SEC22A: variants seen among roughly 807,000 people sequenced by gnomAD.
The protein encoded by SEC22A is SEC22 homolog A, vesicle trafficking protein.
A neutral mutation model predicts 35.3 loss-of-function variants in SEC22A; 22 were observed. The observed-to-expected ratio is 0.62, with a 90% CI of 0.45 to 0.89. The LOEUF is 0.89. Ranked by LOEUF, SEC22A falls within the 40% of genes least tolerant of loss-of-function variation. The probability of loss-of-function intolerance (pLI) is 0.00; values close to 1 mark genes in which losing one functional copy is unlikely to be tolerated. For synonymous variants in SEC22A, 119 were observed against 129.5 expected, an observed-to-expected ratio of 0.92 and a Z score of 0.55; for missense variants, 354 against 362.5, an observed-to-expected ratio of 0.98 and a Z score of 0.19.
chr3:123,269,213 G>GTATA (rs1232781622), intron 6 of SEC22A, among the ~76,000 whole-genome samples: 4 of 80,952 alleles, frequency 4.9e-5, no homozygotes, highest in African/African-American at 1.5e-4. Flanking sequence ...GTGTGTGTGT[G>GTATA]TGTATATATT....
intron 2 of SEC22A, among the ~76,000 whole-genome samples, chr3:123,223,035 C>T (rs1937156811): frequency 1.3e-5 from 2 of 152,338 alleles, no homozygotes; most frequent in Admixed American, 6.5e-5. Context: ...AAATTCCCCC[C>T]TCCCATGGTT....
At chr3:123,226,182 A>T (rs1180357082) in intron 4 of SEC22A, among the ~76,000 whole-genome samples, 2 of 152,214 alleles carry the variant, frequency 1.3e-5, no homozygotes, top group Non-Finnish European at 1.5e-5. Flanking sequence ...TCTCTTCGAT[A>T]TGCTGATTTC....
chr3:123,231,299 C>A (rs189891324), intron 4 of SEC22A, among the ~76,000 whole-genome samples: 2 of 152,278 alleles, frequency 1.3e-5, no homozygotes, highest in South Asian at 2.1e-4. Flanking sequence ...CCTGCACCAC[C>A]ATATGCCAGT....
intron 5 of SEC22A, among the ~76,000 whole-genome samples, chr3:123,247,377 GA>G (rs2108079664): frequency 6.6e-6 from 1 of 152,294 alleles, no homozygotes; most frequent in South Asian, 2.1e-4. Flanking sequence ...ACAAGTTATG[GA>G]ACCTGGGGCT....
At chr3:123,206,484 G>A (rs1576481413) in intron 1 of SEC22A, among the ~76,000 whole-genome samples, 1 of 152,116 alleles carries the variant, frequency 6.6e-6, no homozygotes, top group African/African-American at 2.4e-5. Context: ...AAAGACAACA[G>A]TTTTATAGTT....
At chr3:123,261,186 T>C (rs1041761280) in intron 6 of SEC22A, among the ~76,000 whole-genome samples, 1 of 152,246 alleles carries the variant, frequency 6.6e-6, no homozygotes, top group Non-Finnish European at 1.5e-5. Flanking sequence ...AGAAATTTTC[T>C]GTCAAATCTG....
At position 123,273,664 on chromosome 3, in the gene SEC22A, TG is replaced by T. The variant is rs1938224861; in HGVS notation, c.*1945del. On this transcript the variant is annotated 3_prime_UTR_variant, in exon 7 of 7. Transcript: ENST00000492595. Reference sequence around the variant, plus strand: ...CTCTACTAAAAATACAAAATTTAGCTGGGTGTGGTTGCGCGTGCCTTTAGTC... The same window carrying T: ...CTCTACTAAAAATACAAAATTTAGCTGGTGTGGTTGCGCGTGCCTTTAGTC... The T allele has an allele frequency of 1.3e-5, 2 of 152,130 alleles. No individual in the cohort carries two copies. The highest frequency in any genetic ancestry group is 2.9e-5 in the Non-Finnish European group (2 of 68,034). The allele number at this position is 152,130 out of a possible 1,614,324, so 9.4% of individuals were successfully genotyped here.
At chr3:123,218,871 T>A (rs1425632159) in intron 2 of SEC22A, among the ~76,000 whole-genome samples, 1 of 152,200 alleles carries the variant, frequency 6.6e-6, no homozygotes, top group African/African-American at 2.4e-5. Context: ...ATATTCTAAG[T>A]GCTAAGAATA....
At chr3:123,219,118 G>A (rs560082037) in intron 2 of SEC22A, among the ~76,000 whole-genome samples, 1 of 152,314 alleles carries the variant, frequency 6.6e-6, no homozygotes, top group East Asian at 1.9e-4. Flanking sequence ...CAGAATTGGA[G>A]CATTGCAAGT....
At chr3:123,246,134 T>G in intron 5 of SEC22A, 120 bp downstream of exon 5, 2 of 596,614 alleles carry the variant, frequency 3.4e-6, no homozygotes, top group Non-Finnish European at 6.0e-6. Context: ...AATCTATGTT[T>G]TTTTATATCT....
At chr3:123,257,995 G>GAAAAAAAAA (rs61068587) in intron 5 of SEC22A, among the ~76,000 whole-genome samples, 1 of 111,484 alleles carries the variant, frequency 9.0e-6, no homozygotes, top group African/African-American at 3.1e-5. Context: ...CCATCTCATT[G>GAAAAAAAAA]AAAAAAAAAA....
intron 4 of SEC22A, among the ~76,000 whole-genome samples, chr3:123,228,402 TAAA>T (rs754123559): frequency 4.4e-5 from 4 of 90,140 alleles, no homozygotes; most frequent in Non-Finnish European, 4.5e-5. Flanking sequence ...CCGTCTCTAC[TAAA>T]AAAAAAAAAA....
At chr3:123,227,137 A>T (rs1257607783) in intron 4 of SEC22A, among the ~76,000 whole-genome samples, 2 of 152,302 alleles carry the variant, frequency 1.3e-5, no homozygotes, top group Admixed American at 1.3e-4. Flanking sequence ...CTTTTGCTTA[A>T]AATGAACACC....
chr3:123,229,256 T>A (rs1253594850), intron 4 of SEC22A, among the ~76,000 whole-genome samples: 1 of 152,140 alleles, frequency 6.6e-6, no homozygotes. Context: ...AACTTGTCAC[T>A]TACATGAGTT....
intron 6 of SEC22A, among the ~76,000 whole-genome samples, chr3:123,262,455 A>T (rs919011354): frequency 1.3e-5 from 2 of 152,340 alleles, no homozygotes; most frequent in South Asian, 2.1e-4. Context: ...AGCGTGTATA[A>T]ACACACCATC....
intron 5 of SEC22A, among the ~76,000 whole-genome samples, chr3:123,259,300 T>G (rs1937821496): frequency 6.6e-6 from 1 of 152,150 alleles, no homozygotes; most frequent in Non-Finnish European, 1.5e-5. Flanking sequence ...ATGAAATTGA[T>G]GGGGGTGGCC....
chr3:123,244,739 G>A (rs982007747), intron 4 of SEC22A, among the ~76,000 whole-genome samples: 1 of 152,152 alleles, frequency 6.6e-6, no homozygotes, highest in Non-Finnish European at 1.5e-5. Context: ...TTATATTAAT[G>A]TTCCACCTCA....
intron 6 of SEC22A, among the ~76,000 whole-genome samples, chr3:123,263,756 A>G (rs1055487174): frequency 1.3e-5 from 2 of 152,118 alleles, no homozygotes; most frequent in Non-Finnish European, 2.9e-5. Context: ...CGCCCACCTC[A>G]GCCTCCCAAA....
At chr3:123,221,536 A>AAT (rs928706353) in intron 2 of SEC22A, among the ~76,000 whole-genome samples, 1 of 150,624 alleles carries the variant, frequency 6.6e-6, no homozygotes, top group Non-Finnish European at 1.5e-5. Context: ...AGGAGTGGTG[A>AAT]ATTACATCCT....
Sources: allele counts gnomAD v4.1 joint callset (sites outside exome capture counted in the v4.1 genomes callset), GRCh38; gene constraint gnomAD v4.1.1; transcripts MANE v1.5; gene names NCBI Gene and HGNC (gene_info 2026-07-23, HGNC 2026-07-21).